Variants in PTPRD observed in about 807,000 individuals in gnomAD.
PTPRD encodes receptor-type tyrosine-protein phosphatase delta.
In PTPRD, 34 loss-of-function variants were observed where a neutral mutation model predicts 214.5. That is an observed-to-expected ratio of 0.16 (90% CI 0.12 to 0.21). The LOEUF (loss-of-function observed/expected upper bound fraction) is 0.21. Among genes scored for constraint, PTPRD ranks in the 10% least tolerant of loss-of-function variants. The pLI is 1.00. For synonymous variants in PTPRD, 1,128 were observed against 845.7 expected, an observed-to-expected ratio of 1.33 and a Z score of -5.79; for missense variants, 2,545 against 2,398.7, an observed-to-expected ratio of 1.06 and a Z score of -1.27.
intron 5 of PTPRD, among the ~76,000 whole-genome samples, chr9:9,771,555 G>C (rs1240525381): frequency 6.6e-6 from 1 of 152,128 alleles, no homozygotes. Context: ...ATAAGGATAG[G>C]CAGCAGAGTT....
chr9:10,035,916 G>A (rs71492012), intron 3 of PTPRD, among the ~76,000 whole-genome samples: 48,217 of 151,710 alleles, frequency 0.32, 8,228 homozygotes, highest in East Asian at 0.62. Flanking sequence ...TCAGGAAGCG[G>A]AAATCTATAT....
chr9:8,649,828 T>C (rs547712908), intron 12 of PTPRD, among the ~76,000 whole-genome samples: 3 of 152,366 alleles, frequency 2.0e-5, no homozygotes, highest in African/African-American at 7.2e-5. Flanking sequence ...TATTAGATGA[T>C]TCCAATGATA....
chr9:9,597,633 G>C (rs968269585), intron 7 of PTPRD, among the ~76,000 whole-genome samples: 1 of 151,942 alleles, frequency 6.6e-6, no homozygotes, highest in Non-Finnish European at 1.5e-5. Flanking sequence ...ACATATAGTA[G>C]AGAAAGAAGT....
chr9:9,874,251 G>A (rs1401695328), intron 5 of PTPRD, among the ~76,000 whole-genome samples: 1 of 152,058 alleles, frequency 6.6e-6, no homozygotes, highest in Non-Finnish European at 1.5e-5. Flanking sequence ...TGTATACAGG[G>A]GAGCTCTACT....
chr9:8,350,768 T>C (rs1439911489), intron 39 of PTPRD, among the ~76,000 whole-genome samples: 1 of 152,154 alleles, frequency 6.6e-6, no homozygotes, highest in Admixed American at 6.5e-5. Context: ...CTAACTTTTA[T>C]ATATTACAAA....
chr9:9,842,809 T>C (rs542697553), intron 5 of PTPRD, among the ~76,000 whole-genome samples: 6 of 152,184 alleles, frequency 3.9e-5, no homozygotes, highest in Middle Eastern at 3.4e-3. Context: ...AATGTCTTTT[T>C]ACGTATTTTA....
At chr9:9,239,282 A>T (rs1163401906) in intron 9 of PTPRD, among the ~76,000 whole-genome samples, 2 of 152,084 alleles carry the variant, frequency 1.3e-5, no homozygotes, top group Non-Finnish European at 2.9e-5. Context: ...GATATGAGAT[A>T]ATCCTTGGTA....
At chr9:9,281,775 T>C (rs1029472142) in intron 9 of PTPRD, among the ~76,000 whole-genome samples, 3 of 151,260 alleles carry the variant, frequency 2.0e-5, no homozygotes, top group Non-Finnish European at 4.4e-5. Context: ...TGAAAACTTA[T>C]GTCCACACAA....
rs1296319026 is a variant in PTPRD at position 8,315,995 on chromosome 9, A to G, written c.*1879T>C. 4.4e-6 allele frequency: 1 copy of G among 227,860 alleles called. No individual in the cohort carries two copies. Among genetic ancestry groups the G allele is most frequent in the Non-Finnish European group, 8.7e-6 (1 of 114,580 alleles). The allele number at this position is 227,860 out of a possible 1,614,324, so 14.1% of individuals were successfully genotyped here. Reference sequence around the variant, plus strand: ...GAAAAATCCTAATGGAATATCAAATATATTCCAAAGTTGCCAATGATATTT... The same window carrying G: ...GAAAAATCCTAATGGAATATCAAATGTATTCCAAAGTTGCCAATGATATTT... On this transcript the variant is annotated 3_prime_UTR_variant, in exon 46 of 46. Coordinates refer to ENST00000381196, the MANE Select transcript of PTPRD (RefSeq NM_002839.4).
chr9:9,861,351 C>T (rs1024145887), intron 5 of PTPRD, among the ~76,000 whole-genome samples: 4 of 152,060 alleles, frequency 2.6e-5, no homozygotes, highest in African/African-American at 7.3e-5. Context: ...AGTGCATTGG[C>T]GCCATCTCGG....
intron 5 of PTPRD, among the ~76,000 whole-genome samples, chr9:9,816,398 T>G (rs1338928818): frequency 6.6e-6 from 1 of 152,100 alleles, no homozygotes; most frequent in Non-Finnish European, 1.5e-5. Context: ...ATAAATAGCC[T>G]TATGTTCCAC....
chr9:8,452,148 C>T (rs2095983746), intron 33 of PTPRD, among the ~76,000 whole-genome samples: 1 of 152,180 alleles, frequency 6.6e-6, no homozygotes, highest in East Asian at 1.9e-4. Flanking sequence ...ACTTCTCTTT[C>T]ACTGTTTATT....
intron 2 of PTPRD, among the ~76,000 whole-genome samples, chr9:10,356,937 T>C (rs2097290551): frequency 6.6e-6 from 1 of 152,066 alleles, no homozygotes; most frequent in Non-Finnish European, 1.5e-5. Flanking sequence ...CACCTCGGCC[T>C]CCCAAAGTGC....
rs534899320 is a variant in PTPRD at position 9,274,873 on chromosome 9, T to A, written c.-202-91510A>T. ...TTCATATAGGTTTAGATAGGAATGA[T>A]TCTACTCGTAAATAATTTGGGAAAT... On this transcript the variant is annotated intron_variant, in intron 9 of 45. Coordinates refer to ENST00000381196, the MANE Select transcript of PTPRD (RefSeq NM_002839.4). Among the ~76,000 whole-genome samples, 3 of 149,052 alleles carry A rather than the reference T, an allele frequency of 2.0e-5. No individual in the cohort carries two copies. In the South Asian group the frequency reaches 6.3e-4, roughly 31 times the overall value.
chr9:10,023,134 A>C, intron 4 of PTPRD, among the ~76,000 whole-genome samples: 1 of 152,238 alleles, frequency 6.6e-6, no homozygotes, highest in Non-Finnish European at 1.5e-5. Flanking sequence ...AAACTTATTT[A>C]GATTTCTGTA....
intron 10 of PTPRD, among the ~76,000 whole-genome samples, chr9:9,153,648 A>C (rs73399619): frequency 0.035 from 5,271 of 152,242 alleles, 201 homozygotes; most frequent in East Asian, 0.2. Context: ...ACTTTAGCTA[A>C]AGTGTCTAGG....
At chr9:9,350,551 G>A (rs1024992188) in intron 9 of PTPRD, among the ~76,000 whole-genome samples, 1 of 151,900 alleles carries the variant, frequency 6.6e-6, no homozygotes, top group Non-Finnish European at 1.5e-5. Context: ...TGCCAGATAA[G>A]GTGTCATGGT....
chr9:10,312,808 G>C (rs1335596842), intron 3 of PTPRD, among the ~76,000 whole-genome samples: 2 of 151,322 alleles, frequency 1.3e-5, no homozygotes, highest in Non-Finnish European at 3.0e-5. Flanking sequence ...GAGAAATTTT[G>C]TTGTATTTGT....
chr9:8,366,873 A>C (rs1335464545), intron 39 of PTPRD, among the ~76,000 whole-genome samples: 1 of 152,220 alleles, frequency 6.6e-6, no homozygotes, highest in Non-Finnish European at 1.5e-5. Flanking sequence ...GGCCCTTAAA[A>C]CTAGCCACTT....
Sources: gnomAD v4.1 joint callset for allele counts (sites outside exome capture counted in the v4.1 genomes callset) on GRCh38, gnomAD v4.1.1 for gene constraint, MANE v1.5 for transcripts, NCBI Gene and HGNC (gene_info 2026-07-23, HGNC 2026-07-21) for gene names.